SENP7: variants seen among roughly 807,000 people sequenced by gnomAD.
SENP7 encodes the protein SUMO specific peptidase 7, also known as sentrin-specific protease 7.
A neutral mutation model predicts 141.2 loss-of-function variants in SENP7; 64 were observed. The observed-to-expected ratio is 0.45, with a 90% CI of 0.37 to 0.56. The LOEUF is 0.56. Ranked by LOEUF, SENP7 falls within the 20% of genes least tolerant of loss-of-function variation. The pLI is 0.00. For synonymous variants in SENP7, 382 were observed against 426.4 expected, an observed-to-expected ratio of 0.90 and a Z score of 1.28; for missense variants, 1,025 against 1,212.2, an observed-to-expected ratio of 0.85 and a Z score of 2.29.
chr3:101,479,807 A>G (rs1244589885), intron 3 of SENP7, among the ~76,000 whole-genome samples: 1 of 148,272 alleles, frequency 6.7e-6, no homozygotes, highest in Non-Finnish European at 1.5e-5. Flanking sequence ...TCTGTCAAAA[A>G]AAAAAAAAAA....
chr3:101,369,653 T>C (rs2060126648), intron 7 of SENP7, among the ~76,000 whole-genome samples: 1 of 152,180 alleles, frequency 6.6e-6, no homozygotes, highest in African/African-American at 2.4e-5. Flanking sequence ...CTATAATTTC[T>C]AAACATAAAT....
chr3:101,402,666 A>G lies in SENP7; in HGVS notation c.483-3611T>C, dbSNP rs555803737. The stretch of plus-strand genomic sequence containing the variant: ...AATCTACTTTGCCTGTACTCTAAAA[A>G]TGGAACTACAATGTCTGGATGACTG... On this transcript the variant is annotated intron_variant, in intron 5 of 23. Transcript: ENST00000394095. 2.6e-5 allele frequency among the ~76,000 whole-genome samples: 4 copies of G among 151,852 alleles called. No individual in the cohort carries two copies. In the East Asian group the frequency reaches 7.7e-4, roughly 29 times the overall value.
At chr3:101,376,507 T>C (rs115033951) in intron 6 of SENP7, among the ~76,000 whole-genome samples, 2 of 151,552 alleles carry the variant, frequency 1.3e-5, no homozygotes, top group African/African-American at 2.4e-5. Context: ...TATTACAGAC[T>C]AGTATATAAG....
chr3:101,457,818 T>G (rs188336800), intron 4 of SENP7: 352 of 582,288 alleles, frequency 6.0e-4, no homozygotes, highest in Middle Eastern at 2.3e-3. Context: ...GGCGCACACA[T>G]GCGGAGATGC....
chr3:101,437,446 C>T (rs1023697323), intron 4 of SENP7, among the ~76,000 whole-genome samples: 1 of 152,176 alleles, frequency 6.6e-6, no homozygotes. Context: ...GCTTATTTCA[C>T]ATTGCATGCC....
chr3:101,330,065 C>G (rs1460864074), intron 20 of SENP7, among the ~76,000 whole-genome samples: 2 of 151,726 alleles, frequency 1.3e-5, no homozygotes, highest in Non-Finnish European at 2.9e-5. Flanking sequence ...AAAAGTGAAT[C>G]TGATCCTTAG....
chr3:101,403,572 T>A (rs969844130), intron 5 of SENP7, among the ~76,000 whole-genome samples: 1 of 152,232 alleles, frequency 6.6e-6, no homozygotes, highest in Non-Finnish European at 1.5e-5. Flanking sequence ...GGATTCCAGA[T>A]AACTGAGATT....
At chr3:101,344,926 G>A (rs1439392080) in intron 13 of SENP7, among the ~76,000 whole-genome samples, 1 of 136,074 alleles carries the variant, frequency 7.3e-6, no homozygotes, top group African/African-American at 2.7e-5. Context: ...AGGATAGCTT[G>A]AAGCCAGGTG....
chr3:101,360,726 T>C (rs1260065269), intron 11 of SENP7, among the ~76,000 whole-genome samples: 4 of 152,138 alleles, frequency 2.6e-5, no homozygotes, highest in Admixed American at 1.3e-4. Flanking sequence ...TATAAGAATA[T>C]AGGTAATTAT....
At chr3:101,370,021 T>C (rs1196463850) in intron 7 of SENP7, among the ~76,000 whole-genome samples, 1 of 152,194 alleles carries the variant, frequency 6.6e-6, no homozygotes, top group African/African-American at 2.4e-5. Flanking sequence ...AGAATTTCCA[T>C]TAATTTACAG....
chr3:101,428,530 C>G (rs1262488569), intron 4 of SENP7, among the ~76,000 whole-genome samples: 1 of 152,190 alleles, frequency 6.6e-6, no homozygotes, highest in Non-Finnish European at 1.5e-5. Context: ...CCTTCACCTA[C>G]TTTTTGATGA....
chr3:101,499,969 C>T (rs2065312683), intron 2 of SENP7, among the ~76,000 whole-genome samples: 1 of 152,054 alleles, frequency 6.6e-6, no homozygotes, highest in African/African-American at 2.4e-5. Context: ...AAACTAAATC[C>T]AGAGTTTTAA....
intron 6 of SENP7, among the ~76,000 whole-genome samples, chr3:101,393,041 C>T (rs2060860112): frequency 6.6e-6 from 1 of 152,060 alleles, no homozygotes; most frequent in African/African-American, 2.4e-5. Context: ...AATAAATCCC[C>T]ATATTTAGAG....
intron 4 of SENP7, among the ~76,000 whole-genome samples, chr3:101,446,507 T>C (rs1429024223): frequency 6.6e-6 from 1 of 152,192 alleles, no homozygotes; most frequent in Non-Finnish European, 1.5e-5. Context: ...GGGCAGATCC[T>C]ATGAAAGGAC....
chr3:101,430,558 T>G (rs187131617), intron 4 of SENP7, among the ~76,000 whole-genome samples: 1 of 152,348 alleles, frequency 6.6e-6, no homozygotes, highest in East Asian at 1.9e-4. Flanking sequence ...TTTTATTGCA[T>G]TTATTTGATT....
At chr3:101,502,209 T>C (rs1353067104) in intron 1 of SENP7, among the ~76,000 whole-genome samples, 1 of 152,242 alleles carries the variant, frequency 6.6e-6, no homozygotes, top group Non-Finnish European at 1.5e-5. Context: ...ATCTGTGAGA[T>C]ATGCCACCTT....
chr3:101,359,921 TATTA>T (rs1469917286), intron 11 of SENP7, among the ~76,000 whole-genome samples: 2 of 151,808 alleles, frequency 1.3e-5, no homozygotes, highest in Non-Finnish European at 2.9e-5. Flanking sequence ...ATAATTAATA[TATTA>T]ATTAATAGAA....
intron 4 of SENP7, among the ~76,000 whole-genome samples, chr3:101,456,429 A>C (rs1034224091): frequency 6.6e-6 from 1 of 152,132 alleles, no homozygotes; most frequent in Non-Finnish European, 1.5e-5. Context: ...TTCAATTTCT[A>C]CTGCTATTGA....
Position 101,407,418 on chromosome 3 carries a change from T to C in SENP7, c.483-8363A>G, listed in dbSNP as rs78686643. Among the ~76,000 whole-genome samples the C allele has an allele frequency of 9.4e-3, 1,438 of 152,228 alleles. 26 individuals are homozygous for C. The highest frequency in any genetic ancestry group is 0.033 in the African/African-American group (1,358 of 41,538). ...ACAAAGAAACAGTGGATTTAAACTA[T>C]ACACTGGAACAAATGGACTTAATGG... On this transcript the variant is annotated intron_variant, in intron 5 of 23. Transcript: ENST00000394095.
Sources: gnomAD v4.1 joint callset for allele counts (sites outside exome capture counted in the v4.1 genomes callset) on GRCh38, gnomAD v4.1.1 for gene constraint, MANE v1.5 for transcripts, NCBI Gene and HGNC (gene_info 2026-07-23, HGNC 2026-07-21) for gene names.